The following EML5 variants were observed in gnomAD, a reference collection of about 807,000 sequenced individuals.
The protein encoded by EML5 is EMAP like 5.
EML5 carries 120 observed loss-of-function variants against 250.0 expected under a neutral mutation model. The observed-to-expected ratio is 0.48, with a 90% CI of 0.41 to 0.56. The LOEUF (loss-of-function observed/expected upper bound fraction) is 0.56, where lower values mean the gene tolerates loss of function less well. EML5 is among the 20% of genes least tolerant of loss of function. The pLI is 0.00. For missense variants in EML5, 2,006 were observed against 2,437.6 expected (o/e 0.82, Z 3.73); for synonymous variants, 771 against 806.5 (o/e 0.96, Z 0.75).
Position 88,643,016 on chromosome 14 carries a change from C to T in EML5, c.4114G>A (p.Val1372Met), listed in dbSNP as rs1477523160. The stretch of plus-strand genomic sequence containing the variant: ...CGATAACCAAAAATGAGCTCCAACA[C>T]AAGGTCCTATAATGATAATAATAAA... ...GKKKRPIEDL[V>M]LELIFGYRGR... is the part of the protein sequence containing the mutation. Residue 1372 changes from valine to methionine, a missense_variant, in exon 31 of 44, where the codon GTG becomes ATG. Physicochemically the swap from Val to Met is conservative, Grantham distance 21 (BLOSUM62 1). Coordinates refer to ENST00000554922, the MANE Select transcript of EML5 (RefSeq NM_183387.3). 6.3e-7 allele frequency: 1 copy of T among 1,590,580 alleles called. No individual in the cohort carries two copies. The highest frequency in any genetic ancestry group is 8.5e-7 in the Non-Finnish European group (1 of 1,173,732).
chr14:88,629,931 T>C (rs893690007), intron 33 of EML5, among the ~76,000 whole-genome samples: 3 of 152,130 alleles, frequency 2.0e-5, no homozygotes, highest in Non-Finnish European at 4.4e-5. Flanking sequence ...AAGTGTCTCT[T>C]TAAATTTTTA....
chr14:88,669,220 C>T (rs1175259201), intron 21 of EML5, among the ~76,000 whole-genome samples: 1 of 152,164 alleles, frequency 6.6e-6, no homozygotes, highest in Non-Finnish European at 1.5e-5. Flanking sequence ...TCCTTGAGTC[C>T]CAAGCATAGA....
At chr14:88,674,963 C>T (rs1395590052) in intron 21 of EML5, among the ~76,000 whole-genome samples, 1 of 152,232 alleles carries the variant, frequency 6.6e-6, no homozygotes. Flanking sequence ...GACTCCATGC[C>T]TCACATCCAG....
chr14:88,638,518 C>T lies in EML5; in HGVS notation c.4336+291G>A, dbSNP rs569656603. ...CTGCTTTATATGCTATTGACTTAAA[C>T]CTTTTTGCTGACCAGAAATTCCTGC... On this transcript the variant is annotated intron_variant, in intron 32 of 43. Coordinates refer to ENST00000554922, the MANE Select transcript of EML5 (RefSeq NM_183387.3). 3.3e-5 allele frequency among the ~76,000 whole-genome samples: 5 copies of T among 152,274 alleles called. No homozygotes were observed. The South Asian group carries it at 8.3e-4, about 25-fold the overall frequency.
At chr14:88,637,297 T>G (rs148593216) in intron 32 of EML5, among the ~76,000 whole-genome samples, 85 of 152,288 alleles carry the variant, frequency 5.6e-4, no homozygotes, top group African/African-American at 2.0e-3. Context: ...ACTCCCCAGA[T>G]TTTGACTTGG....
chr14:88,660,223 C>CA (rs1275242664), intron 25 of EML5, among the ~76,000 whole-genome samples: 1 of 149,672 alleles, frequency 6.7e-6, no homozygotes, highest in Non-Finnish European at 1.5e-5. Flanking sequence ...GTCGATGCTG[C>CA]AGTGAGCCAT....
chr14:88,738,101 A>T (rs1185822076), intron 6 of EML5, among the ~76,000 whole-genome samples: 1 of 152,172 alleles, frequency 6.6e-6, no homozygotes, highest in Non-Finnish European at 1.5e-5. Context: ...GATAAGAAAA[A>T]GTCTCAAATT....
chr14:88,729,622 C>T (rs2093722170), intron 7 of EML5, among the ~76,000 whole-genome samples: 1 of 151,642 alleles, frequency 6.6e-6, no homozygotes, highest in Non-Finnish European at 1.5e-5. Flanking sequence ...AGTGCTGGCG[C>T]AATCTTAGTT....
intron 1 of EML5, among the ~76,000 whole-genome samples, chr14:88,788,249 C>T (rs927932355): frequency 3.3e-5 from 5 of 152,096 alleles, no homozygotes; most frequent in Admixed American, 1.3e-4. Flanking sequence ...TTTTGACTTG[C>T]GTTGAATAAA....
At chr14:88,645,041 T>G (rs2091277629) in intron 29 of EML5, among the ~76,000 whole-genome samples, 2 of 131,708 alleles carry the variant, frequency 1.5e-5, no homozygotes, top group African/African-American at 2.5e-5. Flanking sequence ...CTTTCTTTCT[T>G]TTTTAGACCA....
At chr14:88,636,707 G>A (rs573266489) in intron 32 of EML5, among the ~76,000 whole-genome samples, 1 of 152,206 alleles carries the variant, frequency 6.6e-6, no homozygotes, top group African/African-American at 2.4e-5. Context: ...GACTCAGGGA[G>A]AATATGCTAG....
chr14:88,657,902 T>C (rs1281069292), intron 26 of EML5, among the ~76,000 whole-genome samples: 2 of 152,056 alleles, frequency 1.3e-5, no homozygotes, highest in African/African-American at 2.4e-5. Context: ...TAGAAGAAAA[T>C]CAAAATTATT....
intron 28 of EML5, among the ~76,000 whole-genome samples, chr14:88,647,777 G>A (rs80146984): frequency 0.072 from 10,831 of 149,938 alleles, 528 homozygotes; most frequent in Non-Finnish European, 0.11. Context: ...ACAAATAAAT[G>A]AGAATTCAAT....
intron 7 of EML5, among the ~76,000 whole-genome samples, chr14:88,729,569 T>TTG (rs2093721017): frequency 6.7e-6 from 1 of 150,322 alleles, no homozygotes; most frequent in African/African-American, 2.4e-5. Context: ...TTTTTTGTTT[T>TTG]TTGTTTTTTT....
chr14:88,650,052 G>T, intron 27 of EML5, 126 bp from the exon 28 acceptor site: 1 of 580,066 alleles, frequency 1.7e-6, no homozygotes, highest in South Asian at 4.6e-5. Flanking sequence ...ATACAAAAAT[G>T]TCTAACTTAT....
At chr14:88,753,095 G>A (rs1226621778) in intron 2 of EML5, among the ~76,000 whole-genome samples, 1 of 152,136 alleles carries the variant, frequency 6.6e-6, no homozygotes, top group Non-Finnish European at 1.5e-5. Context: ...TTAAGCTGCT[G>A]GTGTCAAAGA....
intron 8 of EML5, among the ~76,000 whole-genome samples, chr14:88,718,181 T>C (rs1265735429): frequency 6.6e-6 from 1 of 152,132 alleles, no homozygotes; most frequent in East Asian, 1.9e-4. Flanking sequence ...AGTTCAGTTT[T>C]GGAAATGCTG....
chr14:88,684,406 G>A (rs1044974332), intron 20 of EML5, among the ~76,000 whole-genome samples: 10 of 138,568 alleles, frequency 7.2e-5, no homozygotes, highest in African/African-American at 1.9e-4. Flanking sequence ...TCCTGACCTC[G>A]TGATCCGCCC....
chr14:88,705,408 A>G, intron 12 of EML5, 74 bp downstream of exon 12: 1 of 1,070,606 alleles, frequency 9.3e-7, no homozygotes, highest in Non-Finnish European at 1.4e-6. Context: ...AGATAACAAC[A>G]GATGACTAAC....
Sources: gnomAD v4.1 joint callset for allele counts (sites outside exome capture counted in the v4.1 genomes callset) on GRCh38, gnomAD v4.1.1 for gene constraint, MANE v1.5 for transcripts, NCBI Gene and HGNC (gene_info 2026-07-23, HGNC 2026-07-21) for gene names.